FRMD4A: variants seen among roughly 807,000 people sequenced by gnomAD.
FRMD4A encodes the protein FERM domain-containing protein 4A.
In FRMD4A, 29 loss-of-function variants were observed where a neutral mutation model predicts 129.1. The ratio of observed to expected loss-of-function variants is 0.22; its 90% confidence interval spans 0.17 to 0.31. The LOEUF (loss-of-function observed/expected upper bound fraction) is 0.31, where lower values mean the gene tolerates loss of function less well. Among genes scored for constraint, FRMD4A ranks in the 10% least tolerant of loss-of-function variants. FRMD4A has a pLI of 1.00. For missense variants in FRMD4A, 1,272 were observed against 1,375.8 expected (o/e 0.92, Z 1.19); for synonymous variants, 634 against 571.6 (o/e 1.11, Z -1.56).
Position 13,646,050 on chromosome 10 carries a change from A to G in FRMD4A, c.*988T>C, listed in dbSNP as rs2134299619. 1 of 151,898 alleles carries G rather than the reference A, an allele frequency of 6.6e-6. No homozygotes were observed. Among genetic ancestry groups the G allele is most frequent in the South Asian group, 2.1e-4 (1 of 4,818 alleles). 9.4% of individuals were successfully genotyped at this position (151,898 alleles called of 1,614,324 possible). ...TGGACCGGGGCTAACAGTACCCTCT[A>G]CGACTCCCACAGGTCTCTCTTTGTG... On this transcript the variant is annotated 3_prime_UTR_variant, in exon 25 of 25. Coordinates refer to ENST00000357447, the MANE Select transcript of FRMD4A (RefSeq NM_018027.5).
intron 18 of FRMD4A, 89 bp from the exon 19 acceptor site, chr10:13,663,598 C>A: frequency 2.7e-6 from 2 of 748,384 alleles, no homozygotes; most frequent in Admixed American, 1.9e-5. Context: ...ACTACCACCT[C>A]ATACCTTTCT....
chr10:14,124,300 G>A (rs1174013662), intron 2 of FRMD4A, among the ~76,000 whole-genome samples: 6 of 152,192 alleles, frequency 3.9e-5, no homozygotes, highest in Admixed American at 1.3e-4. Context: ...CATGATCATT[G>A]CCTGAGTTGT....
Position 14,250,334 on chromosome 10 carries a change from T to A in FRMD4A, c.45+79724A>T, listed in dbSNP as rs60655616. On this transcript the variant is annotated intron_variant, in intron 2 of 24. Coordinates refer to ENST00000357447, the MANE Select transcript of FRMD4A (RefSeq NM_018027.5). The stretch of plus-strand genomic sequence containing the variant: ...AAAGGAATAACTTCAACAATGAGAA[T>A]TTGGGAGCAAAGAAAGAGGAAGCAT... 8.5e-3 allele frequency among the ~76,000 whole-genome samples: 1,288 copies of A among 152,310 alleles called. 20 individuals carry two copies. The highest frequency in any genetic ancestry group is 0.028 in the African/African-American group (1,175 of 41,566).
intron 17 of FRMD4A, among the ~76,000 whole-genome samples, chr10:13,670,074 C>G (rs10906446): frequency 0.42 from 64,234 of 152,068 alleles, 13,971 homozygotes; most frequent in Non-Finnish European, 0.46. Flanking sequence ...GCTTGGCTCT[C>G]AGTCACTGAG....
chr10:13,903,682 G>A (rs2094846528), intron 2 of FRMD4A, among the ~76,000 whole-genome samples: 1 of 151,734 alleles, frequency 6.6e-6, no homozygotes. Context: ...GACCAGCCTG[G>A]GCAACATAGC....
chr10:13,738,493 C>T (rs1422823169), intron 11 of FRMD4A, among the ~76,000 whole-genome samples: 1 of 152,170 alleles, frequency 6.6e-6, no homozygotes, highest in East Asian at 1.9e-4. Flanking sequence ...AAGGTGTCAC[C>T]CTGAGGTCCT....
At chr10:14,168,280 T>C (rs772854752) in intron 2 of FRMD4A, among the ~76,000 whole-genome samples, 2 of 152,174 alleles carry the variant, frequency 1.3e-5, no homozygotes, top group African/African-American at 2.4e-5. Flanking sequence ...GTAATTACTA[T>C]AAAGATCACA....
intron 9 of FRMD4A, among the ~76,000 whole-genome samples, chr10:13,742,607 C>G (rs2091072324): frequency 6.6e-6 from 1 of 152,190 alleles, no homozygotes; most frequent in African/African-American, 2.4e-5. Flanking sequence ...ACCTCCATCT[C>G]CCAAGTTCAA....
chr10:13,884,166 A>G (rs11258699), intron 2 of FRMD4A, among the ~76,000 whole-genome samples: 5,199 of 44,362 alleles, frequency 0.12, 188 homozygotes, highest in South Asian at 0.19. Context: ...TCACACACAC[A>G]CTCACACACT....
intron 15 of FRMD4A, among the ~76,000 whole-genome samples, chr10:13,679,583 G>A (rs1365651613): frequency 6.7e-6 from 1 of 150,164 alleles, no homozygotes; most frequent in African/African-American, 2.5e-5. Context: ...GGTTGGAGGT[G>A]GGGTCAAGGA....
intron 2 of FRMD4A, among the ~76,000 whole-genome samples, chr10:14,246,731 A>G (rs1163540267): frequency 6.6e-6 from 1 of 152,168 alleles, no homozygotes; most frequent in Non-Finnish European, 1.5e-5. Context: ...TCCCCAAAGG[A>G]CGTTGTGGCG....
intron 4 of FRMD4A, among the ~76,000 whole-genome samples, chr10:13,807,089 G>A (rs538177949): frequency 2.0e-5 from 3 of 152,304 alleles, no homozygotes; most frequent in Non-Finnish European, 4.4e-5. Flanking sequence ...TTACAGGTGT[G>A]AGCCACCGCG....
intron 18 of FRMD4A, among the ~76,000 whole-genome samples, chr10:13,664,443 T>C (rs2082860071): frequency 1.3e-5 from 2 of 152,134 alleles, no homozygotes; most frequent in Admixed American, 6.5e-5. Flanking sequence ...CAGGATGAGA[T>C]AGGGAAAGAT....
intron 2 of FRMD4A, among the ~76,000 whole-genome samples, chr10:14,090,565 C>T (rs1445069943): frequency 6.6e-6 from 1 of 152,180 alleles, no homozygotes; most frequent in African/African-American, 2.4e-5. Context: ...CAGGCAGCAT[C>T]CCCCCAGCCG....
intron 2 of FRMD4A, among the ~76,000 whole-genome samples, chr10:14,174,297 CCT>C (rs1360604130): frequency 6.6e-6 from 1 of 151,710 alleles, no homozygotes; most frequent in Non-Finnish European, 1.5e-5. Context: ...CTCTCTCCTC[CCT>C]CTCTCTCCTC....
intron 2 of FRMD4A, among the ~76,000 whole-genome samples, chr10:13,864,338 C>CAAAAAAAAAAAAAAAA (rs149602938): frequency 2.8e-4 from 32 of 114,448 alleles, no homozygotes; most frequent in Admixed American, 3.8e-4. Context: ...CATCTTGAGT[C>CAAAAAAAAAAAAAAAA]AAAAAAAAAA....
chr10:13,706,749 G>GACAC (rs3031967), intron 13 of FRMD4A, among the ~76,000 whole-genome samples: 30,913 of 146,478 alleles, frequency 0.21, 3,333 homozygotes, highest in African/African-American at 0.22. Context: ...CACATACACT[G>GACAC]ACACACACAC....
At chr10:14,254,019 C>T (rs148957692) in intron 2 of FRMD4A, among the ~76,000 whole-genome samples, 10 of 152,312 alleles carry the variant, frequency 6.6e-5, no homozygotes, top group East Asian at 5.8e-4. Context: ...ACTCTCCCTA[C>T]GCTAGTTTCC....
chr10:14,100,183 C>T (rs1837227787), intron 2 of FRMD4A, among the ~76,000 whole-genome samples: 2 of 152,164 alleles, frequency 1.3e-5, no homozygotes, highest in Non-Finnish European at 2.9e-5. Flanking sequence ...TCTCGATTCA[C>T]CTGAACTTAT....
Sources: allele counts gnomAD v4.1 joint callset (sites outside exome capture counted in the v4.1 genomes callset), GRCh38; gene constraint gnomAD v4.1.1; transcripts MANE v1.5; gene names NCBI Gene and HGNC (gene_info 2026-07-23, HGNC 2026-07-21).